The following CEP128 variants were observed in gnomAD, a reference collection of about 807,000 sequenced individuals.
CEP128 encodes the protein centrosomal protein 128kDa.
In CEP128, 132 loss-of-function variants were observed where a neutral mutation model predicts 156.7. The ratio of observed to expected loss-of-function variants is 0.84; its 90% CI spans 0.73 to 0.97. The LOEUF (loss-of-function observed/expected upper bound fraction) is 0.97, where lower values mean the gene tolerates loss of function less well. Among genes scored for constraint, CEP128 ranks in the 50% least tolerant of loss-of-function variants. The pLI, the probability that CEP128 is intolerant of heterozygous loss-of-function variation, is 0.00. For missense variants in CEP128, 1,252 were observed against 1,281.9 expected (o/e 0.98, Z 0.36); for synonymous variants, 469 against 448.9 (o/e 1.04, Z -0.57).
intron 19 of CEP128, among the ~76,000 whole-genome samples, chr14:80,585,081 T>C (rs1029118700): frequency 6.6e-6 from 1 of 152,250 alleles, no homozygotes; most frequent in African/African-American, 2.4e-5. Flanking sequence ...TTTCCTTGGA[T>C]TGGTTCCAAT....
chr14:80,687,801 C>T (rs932369506), intron 19 of CEP128, among the ~76,000 whole-genome samples: 68 of 152,204 alleles, frequency 4.5e-4, no homozygotes, highest in African/African-American at 1.6e-3. Flanking sequence ...AAAATGAGAT[C>T]GCACTCATGC....
chr14:80,505,098 A>T (rs1486608996), intron 23 of CEP128, 78 bp from the exon 24 acceptor site: 24 of 538,614 alleles, frequency 4.5e-5, no homozygotes, highest in Non-Finnish European at 3.9e-5. Flanking sequence ...CTGAAGCTGA[A>T]ATTAAATCTT....
intron 16 of CEP128, among the ~76,000 whole-genome samples, chr14:80,762,152 T>C (rs907433052): frequency 4.6e-5 from 7 of 152,278 alleles, no homozygotes; most frequent in African/African-American, 1.4e-4. Flanking sequence ...GAAAATTTGA[T>C]AAAAGAAAGA....
intron 15 of CEP128, among the ~76,000 whole-genome samples, chr14:80,779,179 A>C (rs1900962784): frequency 6.6e-6 from 1 of 152,246 alleles, no homozygotes; most frequent in African/African-American, 2.4e-5. Context: ...TCTGTTTAAA[A>C]TATATGCTTT....
chr14:80,925,900 C>T (rs1218376398), intron 2 of CEP128, among the ~76,000 whole-genome samples: 1 of 152,104 alleles, frequency 6.6e-6, no homozygotes, highest in Non-Finnish European at 1.5e-5. Flanking sequence ...ACACCTTAAC[C>T]CTACCTAGCG....
intron 20 of CEP128, among the ~76,000 whole-genome samples, chr14:80,574,179 A>G (rs1891261589): frequency 6.6e-6 from 1 of 152,186 alleles, no homozygotes. Flanking sequence ...CTAAAAATGT[A>G]CTTTAGTATC....
intron 4 of CEP128, among the ~76,000 whole-genome samples, chr14:80,910,492 G>A (rs566257701): frequency 3.7e-4 from 57 of 152,158 alleles, no homozygotes; most frequent in Non-Finnish European, 7.4e-4. Context: ...ACTCCTTCCC[G>A]TGCTCCTACT....
intron 13 of CEP128, among the ~76,000 whole-genome samples, chr14:80,795,691 C>A (rs972856236): frequency 6.6e-6 from 1 of 152,186 alleles, no homozygotes; most frequent in Non-Finnish European, 1.5e-5. Flanking sequence ...AAAGTCTCAT[C>A]TCTGACCCTA....
At chr14:80,836,686 G>A (rs1002486121) in intron 11 of CEP128, among the ~76,000 whole-genome samples, 1 of 151,812 alleles carries the variant, frequency 6.6e-6, no homozygotes, top group Admixed American at 6.6e-5. Flanking sequence ...ATGTGAACAT[G>A]GTCTATTGGT....
chr14:80,883,323 A>T (rs1421400160), intron 8 of CEP128, among the ~76,000 whole-genome samples: 2 of 152,172 alleles, frequency 1.3e-5, no homozygotes, highest in African/African-American at 4.8e-5. Context: ...TTTGCAGATG[A>T]TATGATCATC....
At chr14:80,575,388 C>T (rs919888320) in intron 20 of CEP128, among the ~76,000 whole-genome samples, 4 of 152,178 alleles carry the variant, frequency 2.6e-5, no homozygotes, top group African/African-American at 9.6e-5. Flanking sequence ...ATTATTGCCA[C>T]ATCATGACTT....
At chr14:80,927,751 T>C (rs1424144610) in intron 2 of CEP128, among the ~76,000 whole-genome samples, 4 of 152,190 alleles carry the variant, frequency 2.6e-5, no homozygotes, top group Non-Finnish European at 5.9e-5. Context: ...GGATACTGCA[T>C]TTACCCAACT....
chr14:80,609,990 T>C (rs1386973948), intron 19 of CEP128, among the ~76,000 whole-genome samples: 1 of 152,168 alleles, frequency 6.6e-6, no homozygotes. Flanking sequence ...TAAATTTTAT[T>C]TCCATCTCAG....
At chr14:80,776,496 T>C (rs1049715453) in intron 16 of CEP128, among the ~76,000 whole-genome samples, 6 of 147,940 alleles carry the variant, frequency 4.1e-5, no homozygotes, top group African/African-American at 1.5e-4. Flanking sequence ...TAATTTTATA[T>C]TTATATGTAA....
intron 19 of CEP128, among the ~76,000 whole-genome samples, chr14:80,601,631 A>G (rs1595072719): frequency 6.6e-6 from 1 of 152,216 alleles, no homozygotes; most frequent in South Asian, 2.1e-4. Context: ...GGCAATGAAC[A>G]TGTTTGTACA....
intron 19 of CEP128, among the ~76,000 whole-genome samples, chr14:80,600,286 A>C (rs943794997): frequency 1.5e-4 from 23 of 152,240 alleles, no homozygotes; most frequent in African/African-American, 5.1e-4. Context: ...TGATAAGTTC[A>C]ATGAACTTCA....
At chr14:80,561,225 A>G (rs545492303) in intron 20 of CEP128, among the ~76,000 whole-genome samples, 1 of 152,374 alleles carries the variant, frequency 6.6e-6, no homozygotes, top group African/African-American at 2.4e-5. Context: ...AAATTAGCCC[A>G]AAGCAGACTG....
At chr14:80,536,483 A>T (rs930793723) in intron 21 of CEP128, among the ~76,000 whole-genome samples, 2 of 152,170 alleles carry the variant, frequency 1.3e-5, no homozygotes, top group African/African-American at 4.8e-5. Context: ...GAAGCAGTTT[A>T]TTTGGGTTCA....
chr14:80,790,819 GT>G (rs11330873), intron 14 of CEP128, among the ~76,000 whole-genome samples: 54,426 of 151,786 alleles, frequency 0.36, 10,171 homozygotes, highest in South Asian at 0.49. Flanking sequence ...AGAACTGGTG[GT>G]AGACACAGAA....
Sources: allele counts gnomAD v4.1 joint callset (sites outside exome capture counted in the v4.1 genomes callset), GRCh38; gene constraint gnomAD v4.1.1; transcripts MANE v1.5; gene names NCBI Gene and HGNC (gene_info 2026-07-23, HGNC 2026-07-21).